The following AHNAK variants were observed in gnomAD, a reference collection of about 807,000 sequenced individuals.
AHNAK encodes neuroblast differentiation-associated protein AHNAK.
AHNAK carries 23 observed loss-of-function variants against 37.8 expected under a neutral mutation model. The observed-to-expected ratio is 0.61, with a 90% CI of 0.44 to 0.86. The LOEUF (loss-of-function observed/expected upper bound fraction) is 0.86. Ranked by LOEUF, AHNAK falls within the 40% of genes least tolerant of loss-of-function variation. AHNAK has a pLI of 0.00. For synonymous variants in AHNAK, 2,481 were observed against 2,636.3 expected (o/e 0.94, Z 1.80); for missense variants, 7,411 against 7,319.4 (o/e 1.01, Z -0.46).
intron 5 of AHNAK, among the ~76,000 whole-genome samples, chr11:62,471,977 G>A (rs368337269): frequency 5.3e-5 from 8 of 152,222 alleles, no homozygotes; most frequent in African/African-American, 1.2e-4. Context: ...GGGCTGCTAC[G>A]ACCACTCGCC....
rs994604368 is a variant in AHNAK at position 62,521,189 on chromosome 11, C to T, written c.13228G>A (p.Val4410Met). 3 of 1,614,012 alleles carry T rather than the reference C, an allele frequency of 1.9e-6. No individual in the cohort carries two copies. The highest frequency in any genetic ancestry group is 1.3e-5 in the African/African-American group (1 of 74,908). ...TCAGGGCCCTTGAGATCACCTTCCA[C>T]TTTGGGCAGAGAGACATCCACATCA... ...KGDVDVSLPK[V>M]EGDLKGPEID... Residue 4410 changes from valine (V) to methionine (M), a missense_variant, in exon 5 of 5, where the codon GTG (valine) becomes ATG (methionine). Physicochemically the swap from Val to Met is conservative, Grantham distance 21. Transcript: ENST00000378024.
intron 5 of AHNAK, among the ~76,000 whole-genome samples, chr11:62,480,481 G>A (rs1939245585): frequency 6.6e-6 from 1 of 151,936 alleles, no homozygotes; most frequent in African/African-American, 2.4e-5. Context: ...CCAAGATGGT[G>A]AAACCCCGTC....
intron 3 of AHNAK, among the ~76,000 whole-genome samples, chr11:62,535,469 A>C (rs1940913345): frequency 1.3e-5 from 2 of 151,874 alleles, no homozygotes; most frequent in African/African-American, 4.8e-5. Flanking sequence ...ACCAACATAG[A>C]AAAACCCCGT....
At chr11:62,471,651 C>G (rs1371567713) in intron 5 of AHNAK, among the ~76,000 whole-genome samples, 2 of 152,172 alleles carry the variant, frequency 1.3e-5, no homozygotes, top group Non-Finnish European at 2.9e-5. Context: ...TCAACCTGCA[C>G]TATCACTGTA....
Position 62,530,975 on chromosome 11 carries a change from C to T in AHNAK, c.3442G>A (p.Val1148Met). 1 of 1,614,162 alleles carries T rather than the reference C, an allele frequency of 6.2e-7. No individual in the cohort carries two copies. The highest frequency in any genetic ancestry group is 8.5e-7 in the Non-Finnish European group (1 of 1,180,030). ...ACAACGTCAGCCTTAGGCAAGTTCACATCCACTTCTGGGCCCTCGCCTTTG... is the reference window on the plus strand; with the variant it reads ...ACAACGTCAGCCTTAGGCAAGTTCATATCCACTTCTGGGCCCTCGCCTTTG... ...SLKGEGPEVD[V>M]NLPKADVVVS... Residue 1148 changes from valine (V) to methionine (M), a missense_variant, in exon 5 of 5, where the codon GTG becomes ATG. Val to Met is a conservative substitution (Grantham distance 21, BLOSUM62 1). Transcript: ENST00000378024.
intron 4 of AHNAK, among the ~76,000 whole-genome samples, chr11:62,501,307 G>A (rs921910826): frequency 6.6e-6 from 1 of 152,090 alleles, no homozygotes; most frequent in Non-Finnish European, 1.5e-5. Context: ...GGTGGCTCAC[G>A]CCTGTAATCC....
chr11:62,520,115 C>T lies in AHNAK; in HGVS notation c.14302G>A (p.Asp4768Asn), dbSNP rs1391560210. 6.2e-7 allele frequency: 1 copy of T among 1,612,270 alleles called. No homozygotes were observed. Among genetic ancestry groups the T allele is most frequent in the Admixed American group, 1.7e-5 (1 of 59,740 alleles). Reference protein sequence around the residue: ...KGPKVDINTPDVDVHGPDWHL... With the variant: ...KGPKVDINTPNVDVHGPDWHL... Reference sequence around the variant, plus strand: ...CAGTCTGGGCCATGAACATCCACATCAGGGGTGTTGATGTCCACTTTTGGG... The same window carrying T: ...CAGTCTGGGCCATGAACATCCACATTAGGGGTGTTGATGTCCACTTTTGGG... Residue 4768 changes from aspartate to asparagine, a missense_variant, in exon 5 of 5, where the codon GAT (aspartate) becomes AAT (asparagine). By Grantham distance (23) the Asp-to-Asn change is conservative. Coordinates refer to ENST00000378024, the MANE Select transcript of AHNAK (RefSeq NM_001620.3).
rs954563288 is a variant in AHNAK at position 62,452,102 on chromosome 11, G to A, written c.443-18211C>T. 9.2e-5 allele frequency among the ~76,000 whole-genome samples: 14 copies of A among 152,130 alleles called. No homozygotes were observed. In the East Asian group the frequency reaches 2.5e-3, roughly 27 times the overall value. On this transcript the variant is annotated intron_variant, in intron 5 of 5. Coordinates refer to the AHNAK transcript ENST00000257247. ...GCTGGGATTACAGGCGTGAGCCACCGCACCCAGCCTGCAAACTAATCTTAA... is the reference window on the plus strand; with the variant it reads ...GCTGGGATTACAGGCGTGAGCCACCACACCCAGCCTGCAAACTAATCTTAA...
Position 62,522,510 on chromosome 11 carries a change from G to A in AHNAK, c.11907C>T (p.Asp3969=), listed in dbSNP as rs762198506. 6 of 1,613,498 alleles carry A rather than the reference G, an allele frequency of 3.7e-6. No homozygotes were observed. The highest frequency in any genetic ancestry group is 2.2e-5 in the East Asian group (1 of 44,814). The part of the protein sequence containing the change: ...ADLDVSGPKV[D]VDVPDVNIEG... ...CAATATTCACATCTGGAACATCAAC[G>A]TCCACCTTGGGTCCTGAGACGTCAA... The change falls in exon 5 of 5, where the codon GAC becomes GAT. Residue 3969 remains aspartate (D), a synonymous_variant. Coordinates refer to ENST00000378024, the MANE Select transcript of AHNAK (RefSeq NM_001620.3).
chr11:62,492,201 C>G (rs1939515737), intron 4 of AHNAK, among the ~76,000 whole-genome samples: 1 of 152,176 alleles, frequency 6.6e-6, no homozygotes, highest in Admixed American at 6.5e-5. Context: ...CACTGAGGAA[C>G]AATGTGTAAG....
At chr11:62,485,701 CAAAAAAA>C (rs1286819688) in intron 5 of AHNAK, among the ~76,000 whole-genome samples, 7 of 51,948 alleles carry the variant, frequency 1.3e-4, no homozygotes, top group African/African-American at 3.5e-4. Flanking sequence ...GACTCCATCT[CAAAAAAA>C]AAAAAAAAAA....
In AHNAK at chr11:62,530,825, G is replaced by T; in HGVS notation, c.3592C>A (p.Pro1198Thr). The change falls in exon 5 of 5, where the codon CCT becomes ACT. Residue 1198 changes from proline to threonine, a missense_variant. Coordinates refer to ENST00000378024, the MANE Select transcript of AHNAK (RefSeq NM_001620.3). The part of the protein sequence containing the change: ...MHFKTPKISM[P>T]DVDLHLKGPK... The stretch of plus-strand genomic sequence containing the variant: ...CCTTTCAAGTGTAAGTCCACATCAG[G>T]CATGGAGATCTTGGGGGTCTTGAAA... 1 of 1,613,560 alleles carries T rather than the reference G, an allele frequency of 6.2e-7. No individual in the cohort carries two copies. Among genetic ancestry groups the T allele is most frequent in the South Asian group, 1.1e-5 (1 of 91,040 alleles).
intron 5 of AHNAK, among the ~76,000 whole-genome samples, chr11:62,481,635 T>G (rs1232228287): frequency 2.5e-5 from 1 of 39,434 alleles, no homozygotes; most frequent in East Asian, 7.3e-4. Context: ...TGGAGTGCAG[T>G]GACACGATCT....
At chr11:62,449,017 G>A (rs573448486) in intron 5 of AHNAK, among the ~76,000 whole-genome samples, 20 of 152,210 alleles carry the variant, frequency 1.3e-4, no homozygotes, top group African/African-American at 3.9e-4. Flanking sequence ...GAAGTGAGCC[G>A]AGACTGCGCC....
At position 62,522,992 on chromosome 11, in the gene AHNAK, T is replaced by C; in HGVS notation, c.11425A>G (p.Met3809Val). 1 of 1,613,644 alleles carries C rather than the reference T, an allele frequency of 6.2e-7. No individual in the cohort carries two copies. The highest frequency in any genetic ancestry group is 8.5e-7 in the Non-Finnish European group (1 of 1,179,964). The change falls in exon 5 of 5, where the codon ATG (methionine) becomes GTG (valine). Residue 3809 changes from methionine to valine, a missense_variant. Transcript: ENST00000378024. ...AAGCCAGGCATGCTGAACTTGGGCATTTTCACCTTGGGCATCTTCAGGTGC... is the reference window on the plus strand; with the variant it reads ...AAGCCAGGCATGCTGAACTTGGGCACTTTCACCTTGGGCATCTTCAGGTGC... ...DWHLKMPKVK[M>V]PKFSMPGFKG...
chr11:62,478,872 TTTTG>T (rs541606235), intron 5 of AHNAK, among the ~76,000 whole-genome samples: 3 of 152,046 alleles, frequency 2.0e-5, no homozygotes, highest in East Asian at 3.8e-4. Context: ...CACTAATTTT[TTTTG>T]TTTGTTTGTT....
intron 5 of AHNAK, among the ~76,000 whole-genome samples, chr11:62,464,114 A>G (rs1221921864): frequency 1.3e-5 from 2 of 150,548 alleles, no homozygotes; most frequent in Non-Finnish European, 3.0e-5. Context: ...TGCAGCCTCA[A>G]CCACCCTGGC....
chr11:62,482,106 C>T (rs1393392966), intron 5 of AHNAK, among the ~76,000 whole-genome samples: 1 of 152,080 alleles, frequency 6.6e-6, no homozygotes, highest in Non-Finnish European at 1.5e-5. Context: ...TCTCTTCCTC[C>T]ATGAAACCTT....
intron 4 of AHNAK, among the ~76,000 whole-genome samples, chr11:62,502,998 T>C (rs1358644909): frequency 2.0e-5 from 3 of 152,208 alleles, no homozygotes; most frequent in East Asian, 3.8e-4. Context: ...TTTTTTTCCC[T>C]GTGTGAACCT....
Sources: gnomAD v4.1 joint callset for allele counts (sites outside exome capture counted in the v4.1 genomes callset) on GRCh38, gnomAD v4.1.1 for gene constraint, MANE v1.5 for transcripts, NCBI Gene and HGNC (gene_info 2026-07-23, HGNC 2026-07-21) for gene names.